TSPEAR: variants seen among roughly 807,000 people sequenced by gnomAD.
The protein encoded by TSPEAR is thrombospondin-type laminin G domain and EAR repeat-containing protein.
In TSPEAR, 69 loss-of-function variants were observed where a neutral mutation model predicts 71.6. The observed-to-expected ratio is 0.96, with a 90% confidence interval of 0.79 to 1.18. TSPEAR has a LOEUF of 1.18. TSPEAR is among the 50% of genes most tolerant of loss of function. The probability of loss-of-function intolerance (pLI) is 0.00; values close to 1 mark genes in which losing one functional copy is unlikely to be tolerated. For missense variants in TSPEAR, 971 were observed against 894.9 expected (o/e 1.09, Z -1.09); for synonymous variants, 402 against 387.2 (o/e 1.04, Z -0.45).
rs988449752 is a variant in TSPEAR, at chr21:44,677,186, C to T, written c.82+34247G>A. 1.3e-5 allele frequency: 9 copies of T among 712,714 alleles called. No individual in the cohort carries two copies. The African/African-American group carries it at 1.4e-4, about 11-fold the overall frequency. The allele number at this position is 712,714 out of a possible 1,614,324, so 44.1% of individuals were successfully genotyped here. A position where few individuals can be genotyped will look rare whatever the true frequency, so the allele number is the denominator to read the frequency against. On this transcript the variant is annotated intron_variant, in intron 1 of 11. Transcript: ENST00000323084. ...GCTTGGCCCCAGCAACCTCTTCTTT[C>T]TTTGCATTTTCAGTCACACTTTTCA...
Position 44,509,209 on chromosome 21 carries a change from G to A in TSPEAR, c.1744C>T (p.Leu582Phe). ...AQAFVKFQDI[L>F]TCSALDWEFF... is the part of the protein sequence containing the mutation. ...TGTGGAGGCGCATACCTGCAGGTGA[G>A]AATGTCCTGGAACTTGACAAAGGCC... Residue 582 changes from leucine (L) to phenylalanine (F), a missense_variant, in exon 10 of 12, where the codon CTC becomes TTC. Physicochemically the swap from Leu to Phe is conservative, Grantham distance 22. Transcript: ENST00000323084. 6.2e-7 allele frequency: 1 copy of A among 1,613,812 alleles called. No individual in the cohort carries two copies. The highest frequency in any genetic ancestry group is 8.5e-7 in the Non-Finnish European group (1 of 1,179,842).
intron 1 of TSPEAR, among the ~76,000 whole-genome samples, chr21:44,650,197 C>T (rs587699962): frequency 8.2e-5 from 12 of 146,638 alleles, no homozygotes; most frequent in East Asian, 4.0e-4. Flanking sequence ...GCCTGGGTGA[C>T]CAGGCAAGAC....
intron 8 of TSPEAR, among the ~76,000 whole-genome samples, chr21:44,523,048 TGTCA>T (rs2052766843): frequency 1.3e-5 from 2 of 151,936 alleles, no homozygotes; most frequent in South Asian, 4.2e-4. Context: ...TCAGGTAGTT[TGTCA>T]GTCAGCCAGG....
chr21:44,656,719 AT>A (rs1436200580), intron 1 of TSPEAR, among the ~76,000 whole-genome samples: 28 of 152,108 alleles, frequency 1.8e-4, no homozygotes, highest in Non-Finnish European at 3.4e-4. Context: ...TTTAAATCAT[AT>A]TTGGTGCCTT....
At chr21:44,694,796 A>G (rs1378753654) in intron 1 of TSPEAR, among the ~76,000 whole-genome samples, 3 of 152,180 alleles carry the variant, frequency 2.0e-5, no homozygotes, top group African/African-American at 7.2e-5. Context: ...GAGTCTCAGA[A>G]AAGTGGCTCG....
Position 44,600,623 on chromosome 21 carries a change from T to C in TSPEAR, c.83-32618A>G, listed in dbSNP as rs782524446. The C allele has an allele frequency of 1.2e-4, 188 of 1,611,972 alleles. 1 individual carries two copies. The Admixed American group carries it at 1.5e-3, about 12-fold the overall frequency. ...ATCTCCTCCAGTTCAATCCCCAGCA[T>C]GGCTGCGTCCACTATGTCTGTCTGC... On this transcript the variant is annotated intron_variant, in intron 1 of 11. Transcript: ENST00000323084.
intron 1 of TSPEAR, among the ~76,000 whole-genome samples, chr21:44,606,180 A>C (rs1384677801): frequency 4.0e-5 from 6 of 150,648 alleles, no homozygotes; most frequent in Non-Finnish European, 2.9e-5. Context: ...AAAAAAAAAA[A>C]AAACTACATA....
At chr21:44,693,467 C>T (rs1247468293) in intron 1 of TSPEAR, among the ~76,000 whole-genome samples, 2 of 152,098 alleles carry the variant, frequency 1.3e-5, no homozygotes, top group East Asian at 1.9e-4. Flanking sequence ...CTGACTGTGA[C>T]TCAACAACAA....
rs116074123 is a variant in TSPEAR, at chr21:44,601,631, C to G, written c.83-33626G>C. 9,439 of 1,613,604 alleles carry G rather than the reference C, an allele frequency of 5.8e-3. 465 individuals are homozygous for G. In the African/African-American group the frequency reaches 0.11, roughly 19 times the overall value. On this transcript the variant is annotated intron_variant, in intron 1 of 11. Transcript: ENST00000323084. ...TGCGCCCCCACCTCCTCCTGCCAGG[C>G]CAGCTGCTGCCGCCCAGCCTCCTGT...
At chr21:44,550,948 C>T (rs1555918639) in intron 2 of TSPEAR, 1 of 1,503,048 alleles carries the variant, frequency 6.7e-7, no homozygotes, top group African/African-American at 1.4e-5. Flanking sequence ...GTGCAGCAAG[C>T]CGGCTGGCAG....
rs201663789 is a variant in TSPEAR at position 44,521,921 on chromosome 21, G to A, written c.1528C>T (p.Arg510Ter). 397 of 1,614,046 alleles carry A rather than the reference G, an allele frequency of 2.5e-4. No homozygotes were observed. The highest frequency in any genetic ancestry group is 3.1e-4 in the Non-Finnish European group (362 of 1,179,998). ...STKVHSHLYIRLLGSFQLFQS... is the reference protein window; with the variant it reads ...STKVHSHLYI ...AAGAGCTGGAAGGAGCCCAGGAGTC[G>A]GATGTAGAGGTGCGAGTGCACCTTG... is the stretch of plus-strand genomic sequence containing the variant. The change falls in exon 9 of 12, where the codon CGA (arginine) becomes TGA (stop). Residue 510 changes from arginine to a stop codon, truncating the protein, a stop_gained. Transcript: ENST00000323084. LOFTEE classifies it high-confidence loss of function.
chr21:44,514,092 T>C (rs1555913049), intron 9 of TSPEAR, among the ~76,000 whole-genome samples: 1 of 152,180 alleles, frequency 6.6e-6, no homozygotes, highest in Non-Finnish European at 1.5e-5. Flanking sequence ...ACAGAAGTCA[T>C]GGGGCATAGC....
At chr21:44,521,756 A>T in intron 9 of TSPEAR, 127 bp downstream of exon 9, 1 of 876,990 alleles carries the variant, frequency 1.1e-6, no homozygotes, top group Non-Finnish European at 1.8e-6. Context: ...TTTTGGGGTC[A>T]CGGGTGCAGA....
At chr21:44,574,849 T>G (rs782294193) in intron 1 of TSPEAR, 6 of 1,613,586 alleles carry the variant, frequency 3.7e-6, no homozygotes, top group Non-Finnish European at 5.1e-6. Context: ...GTGTCCCTCC[T>G]CTGCCGCCCC....
At position 44,710,160 on chromosome 21, in the gene TSPEAR, C is replaced by G. The variant is rs782679323; in HGVS notation, c.82+1273G>C. 6.6e-6 allele frequency among the ~76,000 whole-genome samples: 1 copy of G among 152,106 alleles called. No homozygotes were observed. Among genetic ancestry groups the G allele is most frequent in the Non-Finnish European group, 1.5e-5 (1 of 68,018 alleles). ...AGGGGAGGGAGAAAGGCTGGCGCTG[C>G]GCCCTCCATCGCGTGAAGCCAGGGG... is the stretch of plus-strand genomic sequence containing the variant. On this transcript the variant is annotated intron_variant, in intron 1 of 11. Coordinates refer to ENST00000323084, the MANE Select transcript of TSPEAR (RefSeq NM_144991.3). This position sits in a 1 kb window ranked among gnomAD's most constrained non-coding sequence, Gnocchi z 4.6.
intron 1 of TSPEAR, among the ~76,000 whole-genome samples, chr21:44,598,436 C>T (rs1366096878): frequency 1.3e-5 from 2 of 152,224 alleles, no homozygotes; most frequent in Non-Finnish European, 1.5e-5. Flanking sequence ...CACAGACATA[C>T]ATTTGCTTTG....
intron 1 of TSPEAR, chr21:44,579,360 C>T (rs1978707543): frequency 7.7e-6 from 2 of 258,902 alleles, no homozygotes; most frequent in Non-Finnish European, 1.5e-5. Flanking sequence ...CCCGTGACTT[C>T]TAGGTTAAGT....
chr21:44,615,314 C>G (rs992040033), intron 1 of TSPEAR, among the ~76,000 whole-genome samples: 26 of 152,252 alleles, frequency 1.7e-4, no homozygotes, highest in African/African-American at 6.0e-4. Flanking sequence ...CGCAGGAGCG[C>G]GAGTGCCCAG....
chr21:44,646,686 G>T (rs782359908), intron 1 of TSPEAR: 11 of 1,614,030 alleles, frequency 6.8e-6, no homozygotes, highest in Non-Finnish European at 9.3e-6. Flanking sequence ...GCTCCTGCAC[G>T]CCGTCATGCT....
Sources: allele counts gnomAD v4.1 joint callset (sites outside exome capture counted in the v4.1 genomes callset), GRCh38; gene constraint gnomAD v4.1.1; non-coding constraint Gnocchi (gnomAD v3.1); transcripts MANE v1.5; gene names NCBI Gene and HGNC (gene_info 2026-07-23, HGNC 2026-07-21).